The following WWOX variants were observed in gnomAD, a reference collection of about 807,000 sequenced individuals.
WWOX encodes the protein WW domain-containing oxidoreductase.
Under a neutral mutation model 46.2 loss-of-function variants are expected in WWOX, and 69 were observed. The ratio of observed to expected loss-of-function variants is 1.49; its 90% CI spans 1.23 to 1.82. The LOEUF (loss-of-function observed/expected upper bound fraction) is 1.82, where lower values mean the gene tolerates loss of function less well. Among genes scored for constraint, WWOX ranks in the 40% most tolerant of loss-of-function variants. The pLI, the probability that WWOX is intolerant of heterozygous loss-of-function variation, is 0.00. For missense variants in WWOX, 919 were observed against 542.6 expected, an observed-to-expected ratio of 1.69 and a Z score of -6.89; for synonymous variants, 359 against 202.6, an observed-to-expected ratio of 1.77 and a Z score of -6.56.
intron 8 of WWOX, among the ~76,000 whole-genome samples, chr16:78,568,693 T>C (rs1017374303): frequency 6.6e-6 from 1 of 152,094 alleles, no homozygotes; most frequent in Non-Finnish European, 1.5e-5. Context: ...CAGGCTGGTG[T>C]CGATTTCCTG....
chr16:79,124,582 C>A (rs1253521766), intron 8 of WWOX, among the ~76,000 whole-genome samples: 5 of 152,090 alleles, frequency 3.3e-5, no homozygotes, highest in Non-Finnish European at 7.3e-5. Context: ...TGGCCCTGTC[C>A]CAGCCATAGA....
At chr16:79,014,986 T>C (rs1330995330) in intron 8 of WWOX, among the ~76,000 whole-genome samples, 1 of 152,156 alleles carries the variant, frequency 6.6e-6, no homozygotes, top group African/African-American at 2.4e-5. Flanking sequence ...CAAAGGTACC[T>C]GCGAGGGATC....
At chr16:79,147,163 C>A (rs765096795) in intron 8 of WWOX, among the ~76,000 whole-genome samples, 1 of 152,126 alleles carries the variant, frequency 6.6e-6, no homozygotes. Context: ...TGTGTAGCTT[C>A]CTTTATACAC....
chr16:78,396,478 T>C (rs1276874188), intron 6 of WWOX, among the ~76,000 whole-genome samples: 1 of 152,196 alleles, frequency 6.6e-6, no homozygotes, highest in African/African-American at 2.4e-5. Flanking sequence ...CAAAGTCATA[T>C]ATGTAAATTG....
At chr16:78,483,672 G>A (rs990445748) in intron 8 of WWOX, among the ~76,000 whole-genome samples, 16 of 151,970 alleles carry the variant, frequency 1.1e-4, no homozygotes, top group African/African-American at 3.9e-4. Context: ...CTTAGCTGCT[G>A]TTACTTACTC....
intron 5 of WWOX, among the ~76,000 whole-genome samples, chr16:78,197,302 C>G (rs538356119): frequency 1.3e-5 from 2 of 152,168 alleles, no homozygotes; most frequent in African/African-American, 4.8e-5. Flanking sequence ...GTTTCTAATA[C>G]GATATTATAC....
At chr16:78,749,943 G>T (rs1039466477) in intron 8 of WWOX, among the ~76,000 whole-genome samples, 2 of 152,138 alleles carry the variant, frequency 1.3e-5, no homozygotes, top group African/African-American at 2.4e-5. Context: ...TAAAAGTCTT[G>T]CACTGTTTAC....
At chr16:78,825,080 C>T (rs1408823193) in intron 8 of WWOX, among the ~76,000 whole-genome samples, 2 of 152,122 alleles carry the variant, frequency 1.3e-5, no homozygotes, top group Non-Finnish European at 2.9e-5. Context: ...TCATGAACAA[C>T]TCCACTTCAT....
intron 6 of WWOX, among the ~76,000 whole-genome samples, chr16:78,391,190 G>C (rs2082168184): frequency 1.3e-5 from 2 of 152,184 alleles, no homozygotes; most frequent in Admixed American, 1.3e-4. Context: ...TCGGGTGCTG[G>C]GAGGTGAGGC....
chr16:78,944,534 C>T (rs150635034), intron 8 of WWOX, among the ~76,000 whole-genome samples: 22 of 152,212 alleles, frequency 1.4e-4, no homozygotes, highest in East Asian at 5.8e-4. Flanking sequence ...CTTGCTGTAT[C>T]GAATCAAGCT....
intron 8 of WWOX, among the ~76,000 whole-genome samples, chr16:78,774,496 T>TTGTG (rs58003207): frequency 0.015 from 2,304 of 149,430 alleles, 18 homozygotes; most frequent in East Asian, 0.024. Context: ...CAGACCCATT[T>TTGTG]TGTGTGTGTG....
intron 8 of WWOX, among the ~76,000 whole-genome samples, chr16:78,848,226 A>C (rs2151177045): frequency 6.6e-6 from 1 of 152,342 alleles, no homozygotes; most frequent in African/African-American, 2.4e-5. Context: ...TACGGAAAAC[A>C]AGTAAGAGTA....
chr16:78,687,047 AT>A (rs1357809218), intron 8 of WWOX, among the ~76,000 whole-genome samples: 3 of 152,158 alleles, frequency 2.0e-5, no homozygotes, highest in Non-Finnish European at 2.9e-5. Flanking sequence ...AGTAGGGATC[AT>A]TAAGGAGTTT....
At chr16:79,208,264 A>G (rs2051587300) in intron 8 of WWOX, among the ~76,000 whole-genome samples, 1 of 152,194 alleles carries the variant, frequency 6.6e-6, no homozygotes, top group Non-Finnish European at 1.5e-5. Context: ...AGAAATTCTC[A>G]GTCCTGTGTC....
intron 4 of WWOX, among the ~76,000 whole-genome samples, chr16:78,153,176 C>G (rs533241972): frequency 6.6e-6 from 1 of 152,246 alleles, no homozygotes; most frequent in South Asian, 2.1e-4. Context: ...TTCAGGTAAT[C>G]AAAGTAACTA....
Position 78,578,278 on chromosome 16 carries a change from A to AT in WWOX, c.1056+145527dup, listed in dbSNP as rs2044949393. ...TTTATATATATATATATATATATAT[A>AT]TATATATTTTTTTTTTTTTTTTTTT... On this transcript the variant is annotated intron_variant, in intron 8 of 8. Coordinates refer to ENST00000566780, the MANE Select transcript of WWOX (RefSeq NM_016373.4). 3.0e-3 allele frequency among the ~76,000 whole-genome samples: 103 copies of AT among 33,816 alleles called. 1 individual carries two copies. Among genetic ancestry groups the AT allele is most frequent in the East Asian group, 0.013 (18 of 1,372 alleles). The allele number at this position is 33,816 out of a possible 152,430, so 22.2% of individuals were successfully genotyped here.
chr16:78,662,652 A>G (rs1275243762), intron 8 of WWOX, among the ~76,000 whole-genome samples: 1 of 152,004 alleles, frequency 6.6e-6, no homozygotes, highest in African/African-American at 2.4e-5. Context: ...TACATTCATC[A>G]TTTTGCTTTC....
chr16:78,961,872 C>G (rs186086363), intron 8 of WWOX, among the ~76,000 whole-genome samples: 1 of 152,164 alleles, frequency 6.6e-6, no homozygotes, highest in Non-Finnish European at 1.5e-5. Context: ...AGAAATCATT[C>G]TGTGGTTCCA....
At chr16:78,757,698 TATAA>T (rs1276308974) in intron 8 of WWOX, among the ~76,000 whole-genome samples, 1 of 151,812 alleles carries the variant, frequency 6.6e-6, no homozygotes, top group Non-Finnish European at 1.5e-5. Context: ...ATTTTATTTA[TATAA>T]ATAAATCCAT....
Sources: gnomAD v4.1 joint callset for allele counts (sites outside exome capture counted in the v4.1 genomes callset) on GRCh38, gnomAD v4.1.1 for gene constraint, MANE v1.5 for transcripts, NCBI Gene and HGNC (gene_info 2026-07-23, HGNC 2026-07-21) for gene names.